The following DNAJC5B variants were observed in gnomAD, a reference collection of about 807,000 sequenced individuals.
DNAJC5B encodes the protein dnaJ homolog subfamily C member 5B.
A neutral mutation model predicts 24.7 loss-of-function variants in DNAJC5B; 23 were observed. The observed-to-expected ratio is 0.93, with a 90% confidence interval of 0.67 to 1.32. The LOEUF is 1.32. Ranked by LOEUF, DNAJC5B falls within the 40% of genes most tolerant of loss-of-function variation. The pLI, the probability that DNAJC5B is intolerant of heterozygous loss-of-function variation, is 0.00. For missense variants in DNAJC5B, 238 were observed against 240.8 expected, an observed-to-expected ratio of 0.99 and a Z score of 0.08; for synonymous variants, 101 against 90.1, an observed-to-expected ratio of 1.12 and a Z score of -0.68.
intron 1 of DNAJC5B, among the ~76,000 whole-genome samples, chr8:66,039,040 A>G (rs1244766320): frequency 2.0e-5 from 3 of 152,204 alleles, no homozygotes; most frequent in Non-Finnish European, 4.4e-5. Flanking sequence ...TAGTGAACAC[A>G]CTTATTGGTA....
chr8:66,086,099 G>A (rs1033067658), intron 5 of DNAJC5B, among the ~76,000 whole-genome samples: 3 of 152,098 alleles, frequency 2.0e-5, no homozygotes, highest in African/African-American at 7.2e-5. Context: ...GTTGTTCATT[G>A]CAAGTATTTA....
chr8:66,056,620 T>A (rs993901667), intron 3 of DNAJC5B: 8 of 152,190 alleles, frequency 5.3e-5, no homozygotes, highest in African/African-American at 1.9e-4. Flanking sequence ...CTCACAAAAG[T>A]AGGCTAGAAC....
intron 5 of DNAJC5B, among the ~76,000 whole-genome samples, chr8:66,086,322 G>A (rs929022739): frequency 6.6e-6 from 1 of 151,950 alleles, no homozygotes; most frequent in Non-Finnish European, 1.5e-5. Context: ...CTAGCACTTG[G>A]TTTGCTGCTG....
intron 3 of DNAJC5B, among the ~76,000 whole-genome samples, chr8:66,058,302 C>G (rs1301425513): frequency 6.6e-6 from 1 of 152,114 alleles, no homozygotes; most frequent in Non-Finnish European, 1.5e-5. Flanking sequence ...TTAAAACCAA[C>G]TTTTTGCTTC....
intron 1 of DNAJC5B, among the ~76,000 whole-genome samples, chr8:66,027,411 T>C (rs1184838838): frequency 6.6e-6 from 1 of 152,214 alleles, no homozygotes; most frequent in East Asian, 1.9e-4. Context: ...ACTGTCCTTT[T>C]AAGTTACCCA....
chr8:66,054,057 G>A (rs1259952613), intron 3 of DNAJC5B, among the ~76,000 whole-genome samples: 1 of 151,010 alleles, frequency 6.6e-6, no homozygotes, highest in Non-Finnish European at 1.5e-5. Context: ...ATTGCAAGCT[G>A]TTATTGAACA....
At position 66,068,467 on chromosome 8, in the gene DNAJC5B, T is replaced by C. The variant is rs929806446; in HGVS notation, c.120-8193T>C. ...GACTAGAAGATAGCTTAGAAGAAAA[T>C]ACCAAAGAAGAATTACAAAAAGATG... On this transcript the variant is annotated intron_variant, in intron 3 of 5. Coordinates refer to ENST00000276570, the MANE Select transcript of DNAJC5B (RefSeq NM_033105.6). 2.7e-5 allele frequency among the ~76,000 whole-genome samples: 4 copies of C among 150,592 alleles called. No individual in the cohort carries two copies. The East Asian group carries it at 7.8e-4, about 29-fold the overall frequency.
intron 4 of DNAJC5B, 83 bp downstream of exon 4, chr8:66,076,956 C>T: frequency 2.8e-6 from 4 of 1,412,682 alleles, no homozygotes; most frequent in Non-Finnish European, 4.0e-6. Context: ...CAAAGGAAGT[C>T]TAACCTTCCT....
chr8:66,049,304 G>A (rs1806794782), intron 2 of DNAJC5B, among the ~76,000 whole-genome samples: 1 of 152,198 alleles, frequency 6.6e-6, no homozygotes, highest in Non-Finnish European at 1.5e-5. Context: ...ATATAAAAGT[G>A]TACAATGACC....
intron 5 of DNAJC5B, among the ~76,000 whole-genome samples, chr8:66,093,486 A>G (rs1807889488): frequency 6.6e-6 from 1 of 152,180 alleles, no homozygotes; most frequent in Non-Finnish European, 1.5e-5. Flanking sequence ...CTCCTTGATT[A>G]AAGTTGAACA....
intron 1 of DNAJC5B, among the ~76,000 whole-genome samples, chr8:66,037,451 T>C (rs1006082028): frequency 1.5e-4 from 23 of 151,802 alleles, no homozygotes; most frequent in African/African-American, 4.8e-4. Flanking sequence ...GTGGGAGAGG[T>C]GCCTTGCCAG....
intron 5 of DNAJC5B, among the ~76,000 whole-genome samples, chr8:66,096,397 C>T (rs1195120717): frequency 2.0e-5 from 3 of 152,182 alleles, no homozygotes; most frequent in Non-Finnish European, 4.4e-5. Flanking sequence ...CTGTCCATAA[C>T]ATAGTCCTTT....
chr8:66,040,601 G>A (rs1281846648), intron 1 of DNAJC5B, among the ~76,000 whole-genome samples: 7 of 152,086 alleles, frequency 4.6e-5, no homozygotes, highest in Non-Finnish European at 1.0e-4. Flanking sequence ...GAGAGCTGTC[G>A]GCAGTCAGAT....
chr8:66,074,848 A>G (rs1411512082), intron 3 of DNAJC5B, among the ~76,000 whole-genome samples: 1 of 152,166 alleles, frequency 6.6e-6, no homozygotes, highest in East Asian at 1.9e-4. Context: ...TGCCAAGAGG[A>G]ATCAAAATGT....
intron 4 of DNAJC5B, among the ~76,000 whole-genome samples, chr8:66,078,728 G>A (rs1333335368): frequency 1.3e-5 from 2 of 152,108 alleles, no homozygotes; most frequent in Non-Finnish European, 2.9e-5. Flanking sequence ...CTAAGACTAC[G>A]AAAATGTAAA....
intron 2 of DNAJC5B, 86 bp downstream of exon 2, chr8:66,043,697 T>C (rs573337008): frequency 1.9e-4 from 29 of 152,336 alleles, no homozygotes; most frequent in African/African-American, 6.5e-4. Flanking sequence ...AAGTTGTTCC[T>C]GTTTGCGGAC....
chr8:66,042,688 CCT>C (rs1339272250), intron 1 of DNAJC5B, among the ~76,000 whole-genome samples: 2 of 129,620 alleles, frequency 1.5e-5, no homozygotes, highest in Non-Finnish European at 3.3e-5. Context: ...CCTCTTCCCT[CCT>C]CTCTCCCCCT....
intron 1 of DNAJC5B, among the ~76,000 whole-genome samples, chr8:66,037,331 C>G (rs1173631613): frequency 6.6e-6 from 1 of 152,128 alleles, no homozygotes; most frequent in South Asian, 2.1e-4. Context: ...CTGGAAGGAG[C>G]AGGAGCAGAG....
chr8:66,045,992 A>T (rs565604761), intron 2 of DNAJC5B, among the ~76,000 whole-genome samples: 1 of 152,296 alleles, frequency 6.6e-6, no homozygotes, highest in East Asian at 1.9e-4. Context: ...AGCAGGGAAA[A>T]TAAGAACCAG....
Sources: allele counts gnomAD v4.1 joint callset (sites outside exome capture counted in the v4.1 genomes callset), GRCh38; gene constraint gnomAD v4.1.1; transcripts MANE v1.5; gene names NCBI Gene and HGNC (gene_info 2026-07-23, HGNC 2026-07-21).